SAAL1: variants seen among roughly 807,000 people sequenced by gnomAD.
SAAL1 encodes the protein protein SAAL1.
In SAAL1, 42 loss-of-function variants were observed where a neutral mutation model predicts 59.8. The observed-to-expected ratio is 0.70, with a 90% confidence interval of 0.55 to 0.91. The LOEUF (loss-of-function observed/expected upper bound fraction) is 0.91. Ranked by LOEUF, SAAL1 falls within the 40% of genes least tolerant of loss-of-function variation. The pLI is 0.00. For missense variants in SAAL1, 542 were observed against 561.1 expected, an observed-to-expected ratio of 0.97 and a Z score of 0.34; for synonymous variants, 191 against 194.3, an observed-to-expected ratio of 0.98 and a Z score of 0.14.
At chr11:18,094,907 T>A (rs1206702761) in intron 3 of SAAL1, among the ~76,000 whole-genome samples, 1 of 152,156 alleles carries the variant, frequency 6.6e-6, no homozygotes, top group Non-Finnish European at 1.5e-5. Flanking sequence ...TTCACTGGAA[T>A]CACCTGGGGA....
chr11:18,092,036 C>T (rs972782192), intron 4 of SAAL1, among the ~76,000 whole-genome samples: 2 of 152,140 alleles, frequency 1.3e-5, no homozygotes, highest in African/African-American at 4.8e-5. Flanking sequence ...TCCTTTGCTA[C>T]TGAAGAAAAC....
In SAAL1 at chr11:18,083,651, C is replaced by T; in HGVS notation, c.1123G>A (p.Glu375Lys). Residue 375 changes from glutamate (E) to lysine (K), a missense_variant, in exon 10 of 12, where the codon GAG becomes AAG. By Grantham distance (56) the Glu-to-Lys change is moderately conservative (BLOSUM62 1). Coordinates refer to ENST00000524803, the MANE Select transcript of SAAL1 (RefSeq NM_138421.3). ...CTTTTAGTTTCCTCTGTGTTAGACT[C>T]TGCCGAGTTCTCTGGTTTTTTCTGA... ...QCQKKPENSAESNTEETKRTD... is the reference protein window; with the variant it reads ...QCQKKPENSAKSNTEETKRTD... The T allele has an allele frequency of 6.2e-7, 1 of 1,611,622 alleles. No individual in the cohort carries two copies. The highest frequency in any genetic ancestry group is 1.1e-5 in the South Asian group (1 of 90,836).
At chr11:18,084,845 A>G (rs1399973487) in intron 9 of SAAL1, among the ~76,000 whole-genome samples, 1 of 152,190 alleles carries the variant, frequency 6.6e-6, no homozygotes, top group Non-Finnish European at 1.5e-5. Flanking sequence ...AGCTCACTGC[A>G]GCCTCTGCCT....
rs149588202 is a variant in SAAL1 at position 18,094,904 on chromosome 11, G to C, written c.333+1867C>G. 4.0e-4 allele frequency among the ~76,000 whole-genome samples: 61 copies of C among 152,238 alleles called. 1 individual carries two copies. Among genetic ancestry groups the C allele is most frequent in the African/African-American group, 1.4e-3 (59 of 41,546 alleles). Reference sequence around the variant, plus strand: ...TCAAGTTTTTCTTGGCTGTTCACTGGAATCACCTGGGGAACTTTAAAAGCT... The same window carrying C: ...TCAAGTTTTTCTTGGCTGTTCACTGCAATCACCTGGGGAACTTTAAAAGCT... On this transcript the variant is annotated intron_variant, in intron 3 of 11. Transcript: ENST00000524803.
chr11:18,099,670 A>G (rs1438391012), intron 2 of SAAL1, among the ~76,000 whole-genome samples: 1 of 152,188 alleles, frequency 6.6e-6, no homozygotes, highest in Admixed American at 6.5e-5. Context: ...ACACCAAAAC[A>G]AGACAGGTTA....
chr11:18,105,328 C>T (rs1472621198), intron 1 of SAAL1, among the ~76,000 whole-genome samples: 4 of 148,472 alleles, frequency 2.7e-5, no homozygotes, highest in African/African-American at 1.0e-4. Context: ...ACCGTCACGA[C>T]CGGCTTTTTT....
At position 18,090,145 on chromosome 11, in the gene SAAL1, A is replaced by ATT. The variant is rs11424886; in HGVS notation, c.589+28_589+29dup. On this transcript the variant is annotated intron_variant, in intron 6 of 11. Transcript: ENST00000524803. Reference sequence around the variant, plus strand: ...CTAAAAATTAGATACAATTTAAAACATTTTTTTTCTAGAGTACATGATGAC... The same window carrying ATT: ...CTAAAAATTAGATACAATTTAAAACATTTTTTTTTTCTAGAGTACATGATGAC... 4.4e-3 allele frequency: 6,648 copies of ATT among 1,514,458 alleles called. 222 individuals carry two copies. In the African/African-American group the frequency reaches 0.082, roughly 19 times the overall value. The allele number at this position is 1,514,458 out of a possible 1,614,324, so 93.8% of individuals were successfully genotyped here.
At chr11:18,092,111 T>C (rs1848529059) in intron 4 of SAAL1, 134 bp downstream of exon 4, 4 of 555,358 alleles carry the variant, frequency 7.2e-6, no homozygotes, top group South Asian at 2.9e-5. Context: ...CAACACACAA[T>C]GAAGTTCCCA....
At chr11:18,105,745 C>T (rs1848682010) in intron 1 of SAAL1, among the ~76,000 whole-genome samples, 162 bp downstream of exon 1, 1 of 152,168 alleles carries the variant, frequency 6.6e-6, no homozygotes, top group Admixed American at 6.5e-5. Flanking sequence ...TTTTGGGGTC[C>T]GCAGCGGCCG....
At chr11:18,098,174 T>C (rs1382401601) in intron 2 of SAAL1, among the ~76,000 whole-genome samples, 2 of 152,164 alleles carry the variant, frequency 1.3e-5, no homozygotes, top group Non-Finnish European at 2.9e-5. Context: ...CTTCTTGTCC[T>C]CCAAGAGCTT....
chr11:18,097,122 A>G (rs548073787), intron 2 of SAAL1, among the ~76,000 whole-genome samples: 18 of 152,224 alleles, frequency 1.2e-4, no homozygotes, highest in African/African-American at 4.3e-4. Context: ...CTGTAGTCCC[A>G]GCTACTCAGG....
chr11:18,080,395 G>T lies in SAAL1; in HGVS notation c.*4C>A. The T allele has an allele frequency of 1.3e-6, 2 of 1,559,316 alleles. No individual in the cohort carries two copies. The highest frequency in any genetic ancestry group is 1.7e-6 in the Non-Finnish European group (2 of 1,149,110). The stretch of plus-strand genomic sequence containing the variant: ...CTTGTACAGAAGTAATTCCAATTCA[G>T]GTTTTAAGTCTGAACCTTCAAACTT... On this transcript the variant is annotated 3_prime_UTR_variant, in exon 12 of 12. Transcript: ENST00000524803.
At chr11:18,081,735 T>C in intron 10 of SAAL1, 1 of 460,878 alleles carries the variant, frequency 2.2e-6, no homozygotes, top group Non-Finnish European at 3.9e-6. Context: ...ACTACAAACT[T>C]GGAACACAGC....
chr11:18,086,171 G>T (rs780960985), intron 9 of SAAL1, among the ~76,000 whole-genome samples: 2 of 151,696 alleles, frequency 1.3e-5, no homozygotes, highest in Non-Finnish European at 2.9e-5. Flanking sequence ...TGGAAGGCAA[G>T]GCAGGAAGGT....
At chr11:18,088,453 C>T (rs1848489407) in intron 7 of SAAL1, among the ~76,000 whole-genome samples, 1 of 152,120 alleles carries the variant, frequency 6.6e-6, no homozygotes, top group African/African-American at 2.4e-5. Context: ...GAAATGAGTG[C>T]GTACTTTGCA....
chr11:18,093,032 G>A (rs11024476), intron 3 of SAAL1, among the ~76,000 whole-genome samples: 35,717 of 152,060 alleles, frequency 0.23, 4,258 homozygotes, highest in Non-Finnish European at 0.25. Flanking sequence ...TGAGCAGCAC[G>A]ATGAAATCTT....
intron 6 of SAAL1, among the ~76,000 whole-genome samples, chr11:18,089,785 A>T (rs1365536013): frequency 2.0e-5 from 3 of 152,226 alleles, no homozygotes; most frequent in Non-Finnish European, 2.9e-5. Context: ...ATGGTGGCTT[A>T]CACCTATACT....
At chr11:18,105,359 G>A (rs72863143) in intron 1 of SAAL1, among the ~76,000 whole-genome samples, 13 of 123,996 alleles carry the variant, frequency 1.0e-4, no homozygotes, top group Non-Finnish European at 5.1e-5. Flanking sequence ...TTTTAAGTTT[G>A]TAGAAACCAG....
intron 1 of SAAL1, among the ~76,000 whole-genome samples, chr11:18,105,115 G>A (rs1241991859): frequency 6.6e-6 from 1 of 151,838 alleles, no homozygotes; most frequent in Non-Finnish European, 1.5e-5. Context: ...AGAAATTAAG[G>A]GACAAATAGA....
Sources: gnomAD v4.1 joint callset for allele counts (sites outside exome capture counted in the v4.1 genomes callset) on GRCh38, gnomAD v4.1.1 for gene constraint, MANE v1.5 for transcripts, NCBI Gene and HGNC (gene_info 2026-07-23, HGNC 2026-07-21) for gene names.